RORA: variants seen among roughly 807,000 people sequenced by gnomAD.
RORA encodes the protein RAR related orphan receptor A.
RORA carries 7 observed loss-of-function variants against 69.5 expected under a neutral mutation model. That is an observed-to-expected ratio of 0.10 (90% CI 0.06 to 0.19). The LOEUF (loss-of-function observed/expected upper bound fraction) is 0.19, where lower values mean the gene tolerates loss of function less well. Ranked by LOEUF, RORA falls within the 10% of genes least tolerant of loss-of-function variation. RORA has a pLI of 1.00. For missense variants in RORA, 457 were observed against 663.0 expected, an observed-to-expected ratio of 0.69 and a Z score of 3.41; for synonymous variants, 261 against 240.8, an observed-to-expected ratio of 1.08 and a Z score of -0.78.
chr15:61,030,585 T>A (rs1009529655), intron 1 of RORA, among the ~76,000 whole-genome samples: 16 of 152,096 alleles, frequency 1.1e-4, no homozygotes, highest in Admixed American at 7.2e-4. Flanking sequence ...TGAGAAGAAA[T>A]TTAAAACAGT....
At chr15:60,771,257 T>C (rs866713459) in intron 1 of RORA, among the ~76,000 whole-genome samples, 1 of 152,180 alleles carries the variant, frequency 6.6e-6, no homozygotes, top group East Asian at 1.9e-4. Context: ...TCTCTCGCCC[T>C]GGATTATTCA....
chr15:61,087,710 T>G (rs1403174431), intron 1 of RORA, among the ~76,000 whole-genome samples: 1 of 152,220 alleles, frequency 6.6e-6, no homozygotes, highest in Non-Finnish European at 1.5e-5. Context: ...TAATATATGT[T>G]GCTAACAGTC....
chr15:60,824,396 C>T lies in RORA; in HGVS notation c.167-145710G>A, dbSNP rs913136273. Among the ~76,000 whole-genome samples, 8 of 151,780 alleles carry T rather than the reference C, an allele frequency of 5.3e-5. No homozygotes were observed. In the East Asian group the frequency reaches 5.8e-4, roughly 11 times the overall value. On this transcript the variant is annotated intron_variant, in intron 1 of 10. Transcript: ENST00000335670. ...AATTATCTCTTTGAGCTTTAAATATCGTTTTGCTGACAGAAGACAACTGGC... is the reference window on the plus strand; with the variant it reads ...AATTATCTCTTTGAGCTTTAAATATTGTTTTGCTGACAGAAGACAACTGGC...
intron 1 of RORA, among the ~76,000 whole-genome samples, chr15:61,057,723 T>A (rs1301970198): frequency 9.2e-5 from 14 of 152,166 alleles, no homozygotes; most frequent in Admixed American, 6.5e-4. Context: ...GGAAAAGTGC[T>A]AGCCTTTGTA....
At chr15:61,169,565 T>A (rs1252316633) in intron 1 of RORA, among the ~76,000 whole-genome samples, 3 of 151,666 alleles carry the variant, frequency 2.0e-5, no homozygotes, top group Non-Finnish European at 4.4e-5. Context: ...TAGTCCATGC[T>A]GAGGCCTTCT....
At chr15:60,974,127 A>G (rs1893807429) in intron 1 of RORA, among the ~76,000 whole-genome samples, 1 of 152,230 alleles carries the variant, frequency 6.6e-6, no homozygotes, top group African/African-American at 2.4e-5. Flanking sequence ...CAGACAACAG[A>G]GGAGGAGGGA....
chr15:60,981,456 T>C (rs939003410), intron 1 of RORA, among the ~76,000 whole-genome samples: 6 of 152,126 alleles, frequency 3.9e-5, no homozygotes, highest in African/African-American at 1.4e-4. Flanking sequence ...GGGCTTAATG[T>C]CCTCCGGTCT....
intron 1 of RORA, among the ~76,000 whole-genome samples, chr15:60,907,632 C>A (rs1341818259): frequency 6.6e-6 from 1 of 152,214 alleles, no homozygotes; most frequent in African/African-American, 2.4e-5. Context: ...CCTGTTAGGA[C>A]TCAGGCACCC....
At chr15:61,205,375 T>A (rs1003965531) in intron 1 of RORA, among the ~76,000 whole-genome samples, 8 of 152,186 alleles carry the variant, frequency 5.3e-5, no homozygotes, top group Non-Finnish European at 1.2e-4. Flanking sequence ...AAACTCTGCA[T>A]CTTTCGTATT....
chr15:60,703,946 C>G (rs929467388), intron 1 of RORA, among the ~76,000 whole-genome samples: 2 of 151,438 alleles, frequency 1.3e-5, no homozygotes, highest in African/African-American at 4.8e-5. Context: ...GTGATTGTAT[C>G]TAGTAATTTT....
chr15:60,738,367 C>G (rs1426175932), intron 1 of RORA, among the ~76,000 whole-genome samples: 3 of 152,174 alleles, frequency 2.0e-5, no homozygotes. Context: ...TATCTTTTCC[C>G]AGATCCCCGG....
chr15:60,823,252 C>T (rs150982369), intron 1 of RORA, among the ~76,000 whole-genome samples: 22 of 152,072 alleles, frequency 1.4e-4, no homozygotes, highest in African/African-American at 5.1e-4. Flanking sequence ...TGCAATGGTG[C>T]AGTCATAGCT....
intron 1 of RORA, among the ~76,000 whole-genome samples, chr15:60,956,468 A>C (rs1053558337): frequency 6.6e-6 from 1 of 152,174 alleles, no homozygotes; most frequent in African/African-American, 2.4e-5. Flanking sequence ...TTTAAAAGAA[A>C]ACTGGTCTTT....
rs556254936 is a variant in RORA at position 61,124,221 on chromosome 15, G to A, written c.166+104832C>T. On this transcript the variant is annotated intron_variant, in intron 1 of 10. Coordinates refer to ENST00000335670, the MANE Select transcript of RORA (RefSeq NM_134261.3). ...TTTTCCTTTAAGCAATTCCCTTATCGGGGCTCAGGGATAATGCAAACATCA... is the reference window on the plus strand; with the variant it reads ...TTTTCCTTTAAGCAATTCCCTTATCAGGGCTCAGGGATAATGCAAACATCA... Among the ~76,000 whole-genome samples the A allele has an allele frequency of 2.6e-4, 39 of 152,274 alleles. No homozygotes were observed. In the South Asian group the frequency reaches 5.4e-3, roughly 21 times the overall value.
At chr15:60,810,659 A>G (rs951257015) in intron 1 of RORA, among the ~76,000 whole-genome samples, 5 of 150,950 alleles carry the variant, frequency 3.3e-5, no homozygotes, top group African/African-American at 1.2e-4. Flanking sequence ...CATGAATGCA[A>G]TATCTCTACT....
intron 1 of RORA, among the ~76,000 whole-genome samples, chr15:60,802,155 A>G (rs906028188): frequency 6.6e-6 from 1 of 152,190 alleles, no homozygotes; most frequent in African/African-American, 2.4e-5. Flanking sequence ...CAAGTGCTGG[A>G]TCCTTACAGA....
chr15:61,081,705 G>A (rs1185682345), intron 1 of RORA, among the ~76,000 whole-genome samples: 3 of 151,846 alleles, frequency 2.0e-5, no homozygotes, highest in South Asian at 2.1e-4. Flanking sequence ...CTACTGGGGA[G>A]AGTGAGGCAG....
At chr15:61,206,884 G>A (rs974242963) in intron 1 of RORA, among the ~76,000 whole-genome samples, 40 of 152,274 alleles carry the variant, frequency 2.6e-4, no homozygotes, top group Admixed American at 7.8e-4. Flanking sequence ...CAAAGCTTTC[G>A]CAGGACCCAA....
intron 1 of RORA, among the ~76,000 whole-genome samples, chr15:61,080,645 G>C (rs962900843): frequency 1.3e-5 from 2 of 152,130 alleles, no homozygotes; most frequent in Non-Finnish European, 2.9e-5. Flanking sequence ...GTCACTTTGA[G>C]GCCTTTCTAC....
Sources: gnomAD v4.1 joint callset for allele counts (sites outside exome capture counted in the v4.1 genomes callset) on GRCh38, gnomAD v4.1.1 for gene constraint, MANE v1.5 for transcripts, NCBI Gene and HGNC (gene_info 2026-07-23, HGNC 2026-07-21) for gene names.